Variants in MS4A1 observed in about 807,000 individuals in gnomAD.
MS4A1 encodes the protein B-lymphocyte antigen CD20.
MS4A1 carries 16 observed loss-of-function variants against 26.5 expected under a neutral mutation model. That is an observed-to-expected ratio of 0.60 (90% CI 0.41 to 0.92). The LOEUF (loss-of-function observed/expected upper bound fraction) is 0.92, where lower values mean the gene tolerates loss of function less well. Among genes scored for constraint, MS4A1 ranks in the 40% least tolerant of loss-of-function variants. MS4A1 has a pLI of 0.00. For missense variants in MS4A1, 350 were observed against 353.0 expected, an observed-to-expected ratio of 0.99 and a Z score of 0.07; for synonymous variants, 128 against 117.6, an observed-to-expected ratio of 1.09 and a Z score of -0.57.
At position 60,469,174 on chromosome 11, in the gene MS4A1, G is replaced by GA. The variant is rs2086322735; in HGVS notation, c.*713dup. 6.6e-6 allele frequency: 1 copy of GA among 151,908 alleles called. No individual in the cohort carries two copies. Among genetic ancestry groups the GA allele is most frequent in the Non-Finnish European group, 1.5e-5 (1 of 67,876 alleles). 9.4% of individuals were successfully genotyped at this position (151,908 alleles called of 1,614,324 possible). On this transcript the variant is annotated 3_prime_UTR_variant, in exon 8 of 8. Transcript: ENST00000345732. ...TACTTTTAGCCATTATGCGAGAAAA[G>GA]AAAAAAATGACCATAGAAAATGCCA...
At position 60,468,383 on chromosome 11, in the gene MS4A1, AG is replaced by A; in HGVS notation, c.811del (p.Glu271LysfsTer21). On this transcript the variant is annotated frameshift_variant, in exon 8 of 8. Transcript: ENST00000345732. LOFTEE classifies it high-confidence loss of function. ...EDIEIIPIQE[E>X]EEEETETNFP... ...ATTGAAATTATTCCAATCCAAGAAG[AG>A]GAAGAAGAAGAAACAGAGACGAACT... The A allele has an allele frequency of 6.2e-7, 1 of 1,614,194 alleles. No homozygotes were observed. The highest frequency in any genetic ancestry group is 8.5e-7 in the Non-Finnish European group (1 of 1,180,016).
chr11:60,466,071 A>G lies in MS4A1; in HGVS notation c.487A>G (p.Asn163Asp), dbSNP rs770297899. ...TATTAGAGCTCACACACCATATATT[A>G]ACATATACAACTGTGAACCAGCTAA... ...NFIRAHTPYI[N>D]IYNCEPANPS... is the part of the protein sequence containing the mutation. The change falls in exon 6 of 8, where the codon AAC (asparagine) becomes GAC (aspartate). Residue 163 changes from asparagine (N) to aspartate (D), a missense_variant. Asn to Asp is a conservative substitution (Grantham distance 23, BLOSUM62 1). Coordinates refer to ENST00000345732, the MANE Select transcript of MS4A1 (RefSeq NM_152866.3). 4 of 1,613,984 alleles carry G rather than the reference A, an allele frequency of 2.5e-6. No homozygotes were observed. The South Asian group carries it at 4.4e-5, about 18-fold the overall frequency.
At chr11:60,456,858 C>T (rs916773549) in intron 1 of MS4A1, among the ~76,000 whole-genome samples, 8 of 152,032 alleles carry the variant, frequency 5.3e-5, no homozygotes, top group Non-Finnish European at 7.4e-5. Context: ...CTCGAGCTCC[C>T]GACCTCAGGG....
At position 60,468,592 on chromosome 11, in the gene MS4A1, C is replaced by T. The variant is rs1047937856; in HGVS notation, c.*124C>T. Reference sequence around the variant, plus strand: ...GCACCACATCTCTATCTGGCCTTTGCATGGAGTGACCATAGCTCCTTCTCT... The same window carrying T: ...GCACCACATCTCTATCTGGCCTTTGTATGGAGTGACCATAGCTCCTTCTCT... On this transcript the variant is annotated 3_prime_UTR_variant, in exon 8 of 8. Transcript: ENST00000345732. The T allele has an allele frequency of 2.9e-5, 25 of 847,980 alleles. No individual in the cohort carries two copies. In the African/African-American group the frequency reaches 3.2e-4, roughly 11 times the overall value. The allele number at this position is 847,980 out of a possible 1,614,324, so 52.5% of individuals were successfully genotyped here.
intron 1 of MS4A1, among the ~76,000 whole-genome samples, chr11:60,456,767 G>A (rs1266130922): frequency 1.3e-5 from 2 of 152,130 alleles, no homozygotes; most frequent in Non-Finnish European, 2.9e-5. Flanking sequence ...ATCCAGCATT[G>A]TGAGCATTTT....
chr11:60,467,277 CTTT>C (rs201750543), intron 7 of MS4A1, among the ~76,000 whole-genome samples: 4 of 134,514 alleles, frequency 3.0e-5, no homozygotes, highest in Admixed American at 7.6e-5. Flanking sequence ...TTCTGTGCGT[CTTT>C]TTTTTTTTTT....
intron 6 of MS4A1, chr11:60,466,736 A>C (rs1415912572): frequency 1.8e-6 from 1 of 561,156 alleles, no homozygotes; most frequent in African/African-American, 1.9e-5. Flanking sequence ...ACTTTCTATC[A>C]GCAATACACA....
At chr11:60,459,782 A>G (rs2086233466) in intron 1 of MS4A1, among the ~76,000 whole-genome samples, 1 of 152,222 alleles carries the variant, frequency 6.6e-6, no homozygotes, top group African/African-American at 2.4e-5. Context: ...CCTCTAGCCC[A>G]TGCGCCAGAC....
Position 60,462,232 on chromosome 11 carries a change from C to A in MS4A1, c.-143C>A. 1 of 884,590 alleles carries A rather than the reference C, an allele frequency of 1.1e-6. No homozygotes were observed. The highest frequency in any genetic ancestry group is 1.8e-6 in the Non-Finnish European group (1 of 545,372). 54.8% of individuals were successfully genotyped at this position (884,590 alleles called of 1,614,324 possible). A position where few individuals can be genotyped will look rare whatever the true frequency, so the allele number is the denominator to read the frequency against. Reference sequence around the variant, plus strand: ...CAGATCCAAGGTCACTCGGAAGAGGCCATGTCTACCCTCAATGACACTCAT... The same window carrying A: ...CAGATCCAAGGTCACTCGGAAGAGGACATGTCTACCCTCAATGACACTCAT... On this transcript the variant is annotated 5_prime_UTR_variant, in exon 3 of 8. Transcript: ENST00000345732.
At position 60,462,536 on chromosome 11, in the gene MS4A1, A is replaced by G; in HGVS notation, c.159+3A>G. The G allele has an allele frequency of 6.2e-7, 1 of 1,614,186 alleles. No individual in the cohort carries two copies. The highest frequency in any genetic ancestry group is 8.5e-7 in the Non-Finnish European group (1 of 1,180,012). On this transcript the variant is annotated splice_donor_region_variant and intron_variant, in intron 3 of 7. Coordinates refer to ENST00000345732, the MANE Select transcript of MS4A1 (RefSeq NM_152866.3). ...TGAGGGAATCTAAGACTTTGGGGGT[A>G]AGTCAGTTGCCTTCCATCCCATGTC...
At chr11:60,463,924 G>C in intron 4 of MS4A1, 1 of 370,106 alleles carries the variant, frequency 2.7e-6, no homozygotes, top group Non-Finnish European at 5.3e-6. Flanking sequence ...AACCCCAAAG[G>C]GCAGTTCCAC....
chr11:60,459,584 G>A (rs2086231533), intron 1 of MS4A1, among the ~76,000 whole-genome samples: 1 of 152,196 alleles, frequency 6.6e-6, no homozygotes, highest in Non-Finnish European at 1.5e-5. Context: ...ACTAGCTCTA[G>A]AAATCCTACC....
chr11:60,463,838 G>C (rs2086268788), intron 4 of MS4A1: 1 of 453,428 alleles, frequency 2.2e-6, no homozygotes, highest in Non-Finnish European at 4.4e-6. Context: ...TGGAGTGCCT[G>C]TGCCATTCAG....
intron 7 of MS4A1, 132 bp from the exon 8 acceptor site, chr11:60,468,118 C>T (rs1230065588): frequency 1.7e-5 from 14 of 822,900 alleles, no homozygotes; most frequent in Non-Finnish European, 2.5e-5. Context: ...AAAATTTTGG[C>T]ATTTAAAGGC....
At chr11:60,457,804 G>A (rs1259138082) in intron 1 of MS4A1, among the ~76,000 whole-genome samples, 1 of 152,188 alleles carries the variant, frequency 6.6e-6, no homozygotes, top group African/African-American at 2.4e-5. Context: ...GTGAGTGGGT[G>A]GAGAGGAGGT....
chr11:60,458,349 G>GTGGA (rs2086220778), intron 1 of MS4A1: 1 of 152,204 alleles, frequency 6.6e-6, no homozygotes, highest in African/African-American at 2.4e-5. Context: ...GATGGTACGA[G>GTGGA]TGGACTTAAA....
At chr11:60,463,157 G>A (rs1457865096) in intron 4 of MS4A1, 36 bp downstream of exon 4, 1 of 1,613,856 alleles carries the variant, frequency 6.2e-7, no homozygotes, top group Non-Finnish European at 8.5e-7. Flanking sequence ...GGGAAATGGT[G>A]CAGACAAAAA....
rs1237057005 is a variant in MS4A1, at chr11:60,463,057, T to C, written c.215T>C (p.Ile72Thr). ...FHIALGGLLMIPAGIYAPICV... is the reference protein window; with the variant it reads ...FHIALGGLLMTPAGIYAPICV... Reference sequence around the variant, plus strand: ...ATTGCCCTGGGGGGTCTTCTGATGATCCCAGCAGGGATCTATGCACCCATC... The same window carrying C: ...ATTGCCCTGGGGGGTCTTCTGATGACCCCAGCAGGGATCTATGCACCCATC... The change falls in exon 4 of 8, where the codon ATC (isoleucine) becomes ACC (threonine). Residue 72 changes from isoleucine to threonine, a missense_variant. Physicochemically the swap from Ile to Thr is moderately conservative, Grantham distance 89. Coordinates refer to ENST00000345732, the MANE Select transcript of MS4A1 (RefSeq NM_152866.3). 1 of 1,614,160 alleles carries C rather than the reference T, an allele frequency of 6.2e-7. No individual in the cohort carries two copies. The highest frequency in any genetic ancestry group is 1.7e-5 in the Admixed American group (1 of 60,018).
Position 60,468,423 on chromosome 11 carries a change from C to A in MS4A1, c.849C>A (p.Pro283=), listed in dbSNP as rs1207913089. The A allele has an allele frequency of 6.2e-7, 1 of 1,614,004 alleles. No homozygotes were observed. The highest frequency in any genetic ancestry group is 8.5e-7 in the Non-Finnish European group (1 of 1,180,002). Residue 283 remains proline (P), a synonymous_variant, in exon 8 of 8, where the codon CCC becomes CCA. Transcript: ENST00000345732. ...CAGAGACGAACTTTCCAGAACCTCC[C>A]CAAGATCAGGAATCCTCACCAATAG... ...EETETNFPEP[P]QDQESSPIEN...
Sources: allele counts gnomAD v4.1 joint callset (sites outside exome capture counted in the v4.1 genomes callset), GRCh38; gene constraint gnomAD v4.1.1; transcripts MANE v1.5; gene names NCBI Gene and HGNC (gene_info 2026-07-23, HGNC 2026-07-21).